ADA2: variants seen among roughly 807,000 people sequenced by gnomAD.
The protein encoded by ADA2 is adenosine deaminase CECR1.
A neutral mutation model predicts 44.2 loss-of-function variants in ADA2; 29 were observed. That is an observed-to-expected ratio of 0.66 (90% CI 0.49 to 0.89). The LOEUF (loss-of-function observed/expected upper bound fraction) is 0.89, where lower values mean the gene tolerates loss of function less well. Ranked by LOEUF, ADA2 falls within the 40% of genes least tolerant of loss-of-function variation. ADA2 has a pLI of 0.00. For synonymous variants in ADA2, 215 were observed against 234.9 expected (o/e 0.92, Z 0.77); for missense variants, 637 against 644.8 (o/e 0.99, Z 0.13).
intron 2 of ADA2, among the ~76,000 whole-genome samples, chr22:17,208,091 C>T (rs973537749): frequency 2.2e-4 from 34 of 152,002 alleles, no homozygotes; most frequent in African/African-American, 7.2e-4. Context: ...ACTGACCTCA[C>T]GATTATTATT....
At chr22:17,213,866 C>T (rs1568991571) in intron 1 of ADA2, 20 of 289,546 alleles carry the variant, frequency 6.9e-5, no homozygotes, top group South Asian at 6.3e-4. Flanking sequence ...GGTGAAACCC[C>T]GTCTCTATTA....
At chr22:17,186,847 T>TGACA (rs3078426) in intron 7 of ADA2, among the ~76,000 whole-genome samples, 131,611 of 150,028 alleles carry the variant, frequency 0.88, 57,767 homozygotes, top group East Asian at 0.92. Context: ...CCAGCCTGGG[T>TGACA]GACAGAGTGA....
chr22:17,210,877 C>A (rs1052356065), intron 1 of ADA2, among the ~76,000 whole-genome samples: 5 of 152,278 alleles, frequency 3.3e-5, no homozygotes, highest in African/African-American at 1.2e-4. Context: ...CATGAGCCAA[C>A]ATGTCCAGCC....
Position 17,182,186 on chromosome 22 carries a change from C to G in ADA2, c.1240-164G>C, listed in dbSNP as rs73385929. Among the ~76,000 whole-genome samples, 10,718 of 152,198 alleles carry G rather than the reference C, an allele frequency of 0.07. 929 individuals carry two copies. Among genetic ancestry groups the G allele is most frequent in the African/African-American group, 0.21 (8,730 of 41,478 alleles). ...CAGAGTCACAAGGAGACATAAGGAACAGAGCCAGTCCTTATGCTCCTCCTC... is the reference window on the plus strand; with the variant it reads ...CAGAGTCACAAGGAGACATAAGGAAGAGAGCCAGTCCTTATGCTCCTCCTC... On this transcript the variant is annotated intron_variant, in intron 8 of 9. Transcript: ENST00000399837.
chr22:17,217,043 T>TA (rs1373785343), intron 1 of ADA2, among the ~76,000 whole-genome samples: 1 of 151,642 alleles, frequency 6.6e-6, no homozygotes, highest in Non-Finnish European at 1.5e-5. Context: ...AGGAGGTGAT[T>TA]AAAAAAATGA....
At position 17,184,245 on chromosome 22, in the gene ADA2, T is replaced by G. The variant is rs111519632; in HGVS notation, c.1082-1484A>C. On this transcript the variant is annotated intron_variant, in intron 7 of 9. Coordinates refer to ENST00000399837, the MANE Select transcript of ADA2 (RefSeq NM_001282225.2). ...TCCCAAAGTGCTGGGATTACAGGCG[T>G]GAGCCACCACGCCCGGCCCCATCAC... Among the ~76,000 whole-genome samples the G allele has an allele frequency of 2.5e-3, 380 of 151,862 alleles. 3 individuals carry two copies. Among genetic ancestry groups the G allele is most frequent in the African/African-American group, 8.7e-3 (361 of 41,404 alleles).
intron 6 of ADA2, among the ~76,000 whole-genome samples, chr22:17,189,367 G>C (rs78024025): frequency 0.047 from 7,183 of 152,232 alleles, 224 homozygotes; most frequent in Non-Finnish European, 0.07. Flanking sequence ...GTTGTGCTTC[G>C]ATTTGGTGGG....
chr22:17,188,435 C>T lies in ADA2; in HGVS notation c.985G>A (p.Asp329Asn), dbSNP rs369716341. ...TAGTCATGCAAGGAGTGGCCAGTGT[C>T]CTCATGCCCCACCTGCAGGACAGAG... ...VAGFDLVGHE[D>N]TGHSLHDYKE... Residue 329 changes from aspartate (D) to asparagine (N), a missense_variant, in exon 7 of 10, where the codon GAC becomes AAC. By Grantham distance (23) the Asp-to-Asn change is conservative. Transcript: ENST00000399837. 1.7e-5 allele frequency: 27 copies of T among 1,612,668 alleles called. No individual in the cohort carries two copies. The African/African-American group carries it at 3.2e-4, about 19-fold the overall frequency.
chr22:17,208,161 C>T (rs924521072), intron 2 of ADA2, among the ~76,000 whole-genome samples: 3 of 152,104 alleles, frequency 2.0e-5, no homozygotes, highest in African/African-American at 7.2e-5. Context: ...CACAGTGGCT[C>T]ACTCCTGTAA....
upstream of ADA2, among the ~76,000 whole-genome samples, chr22:17,221,465 G>A (rs9605235): frequency 0.11 from 17,319 of 151,876 alleles, 1,134 homozygotes; most frequent in African/African-American, 0.17. Flanking sequence ...AGGCCCTGGT[G>A]TGTGATGTTC....
At position 17,189,865 on chromosome 22, in the gene ADA2, G is replaced by A. The variant is rs1055882004; in HGVS notation, c.972+77C>T. ...AGGCACATTGCGCTCCCTTCCCAGGGAGTTGCCGCTCCACCCAGACAGGCA... is the reference window on the plus strand; with the variant it reads ...AGGCACATTGCGCTCCCTTCCCAGGAAGTTGCCGCTCCACCCAGACAGGCA... On this transcript the variant is annotated intron_variant, in intron 6 of 9. Coordinates refer to ENST00000399837, the MANE Select transcript of ADA2 (RefSeq NM_001282225.2). 1.6e-5 allele frequency: 17 copies of A among 1,035,818 alleles called. No individual in the cohort carries two copies. In the Admixed American group the frequency reaches 2.9e-4, roughly 17 times the overall value. The allele number at this position is 1,035,818 out of a possible 1,614,324, so 64.2% of individuals were successfully genotyped here.
rs577994684 is a variant in ADA2 at position 17,182,776 on chromosome 22, ATGGTCTTCCATGGGGGATGGATGGGTC to A, written c.1082-42_1082-16del. 0.02 allele frequency: 32,639 copies of A among 1,611,236 alleles called. 467 individuals carry two copies. The highest frequency in any genetic ancestry group is 0.047 in the Middle Eastern group (227 of 4,846). On this transcript the variant is annotated splice_polypyrimidine_tract_variant and intron_variant, in intron 7 of 9. Coordinates refer to ENST00000399837, the MANE Select transcript of ADA2 (RefSeq NM_001282225.2). ...ACCCTGCCAGTCTGAACACACGGGA[ATGGTCTTCCATGGGGGATGGATGGGTC>A]TGGTCTTCCATGGGGGATGGATGGG...
intron 1 of ADA2, among the ~76,000 whole-genome samples, chr22:17,215,750 C>T (rs1404311517): frequency 2.0e-5 from 3 of 152,110 alleles, no homozygotes; most frequent in African/African-American, 7.2e-5. Flanking sequence ...GGAAGTTGAT[C>T]TCATAGATAT....
Position 17,207,097 on chromosome 22 carries a change from C to A in ADA2, c.516G>T (p.Val172=). The A allele has an allele frequency of 3.7e-6, 6 of 1,614,200 alleles. No individual in the cohort carries two copies. Among genetic ancestry groups the A allele is most frequent in the Non-Finnish European group, 5.1e-6 (6 of 1,180,008 alleles). ...WILLEDYRKR[V]QNVTEFDDSL... is the part of the protein sequence containing the mutation. ...TGTCATCAAACTCAGTGACGTTCTG[C>A]ACCCGCTTCCGATAATCCTCCAGCA... Residue 172 remains valine (V), a synonymous_variant, in exon 3 of 10, where the codon GTG becomes GTT. Coordinates refer to ENST00000399837, the MANE Select transcript of ADA2 (RefSeq NM_001282225.2).
rs1036121313 is a variant in ADA2 at position 17,181,960 on chromosome 22, G to A, written c.1302C>T (p.His434=). 7.4e-6 allele frequency: 12 copies of A among 1,614,056 alleles called. No homozygotes were observed. Among genetic ancestry groups the A allele is most frequent in the Non-Finnish European group, 9.3e-6 (11 of 1,180,038 alleles). ...HPVATLMATG[H]PMVISSDDPA... ...GGTCATCAGAGCTGATCACCATGGG[G>A]TGCCCAGTGGCCATCAGAGTGGCTA... The change falls in exon 9 of 10, where the codon CAC becomes CAT. Residue 434 remains histidine, a synonymous_variant. Coordinates refer to ENST00000399837, the MANE Select transcript of ADA2 (RefSeq NM_001282225.2).
intron 3 of ADA2, 135 bp from the exon 4 acceptor site, chr22:17,203,908 A>G (rs2062322491): frequency 7.7e-6 from 5 of 648,138 alleles, no homozygotes; most frequent in Non-Finnish European, 1.4e-5. Flanking sequence ...GAGATAAGGA[A>G]GGGGCAAAGG....
chr22:17,213,875 T>A, intron 1 of ADA2: 1 of 297,116 alleles, frequency 3.4e-6, no homozygotes, highest in African/African-American at 2.2e-5. Context: ...CCGTCTCTAT[T>A]AAAAATACAA....
chr22:17,211,234 C>T (rs2123720942), intron 1 of ADA2, among the ~76,000 whole-genome samples: 1 of 152,004 alleles, frequency 6.6e-6, no homozygotes, highest in East Asian at 1.9e-4. Flanking sequence ...TGACGCATGC[C>T]TGTAGTCCCA....
upstream of ADA2, chr22:17,219,566 T>G (rs1041411615): frequency 2.0e-5 from 3 of 152,284 alleles, no homozygotes; most frequent in African/African-American, 7.2e-5. Flanking sequence ...CATGCATGCT[T>G]GCTGTGTGCA....
Sources: allele counts gnomAD v4.1 joint callset (sites outside exome capture counted in the v4.1 genomes callset), GRCh38; gene constraint gnomAD v4.1.1; transcripts MANE v1.5; gene names NCBI Gene and HGNC (gene_info 2026-07-23, HGNC 2026-07-21).